Variants in APOB observed in about 807,000 individuals in gnomAD.
The protein encoded by APOB is apolipoprotein B-100.
Under a neutral mutation model 314.1 loss-of-function variants are expected in APOB, and 153 were observed. The ratio of observed to expected loss-of-function variants is 0.49; its 90% CI spans 0.43 to 0.56. The LOEUF (loss-of-function observed/expected upper bound fraction) is 0.56, where lower values mean the gene tolerates loss of function less well. Ranked by LOEUF, APOB falls within the 20% of genes least tolerant of loss-of-function variation. The pLI is 0.00. For missense variants in APOB, 5,430 were observed against 5,350.7 expected, an observed-to-expected ratio of 1.01 and a Z score of -0.46; for synonymous variants, 2,087 against 2,036.4, an observed-to-expected ratio of 1.02 and a Z score of -0.67.
Position 21,010,736 on chromosome 2 carries a change from A to G in APOB, c.6132T>C (p.Asp2044=), listed in dbSNP as rs1218434717. 4 of 1,614,016 alleles carry G rather than the reference A, an allele frequency of 2.5e-6. No individual in the cohort carries two copies. Among genetic ancestry groups the G allele is most frequent in the Non-Finnish European group, 3.4e-6 (4 of 1,179,906 alleles). Residue 2044 remains aspartate, a synonymous_variant, in exon 26 of 29, where the codon GAT becomes GAC. Transcript: ENST00000233242. ...TAAATTCTTGGGGCTTCTCAACGGCATCTCTCATCTCTAAAGCATCAATGA... is the reference window on the plus strand; with the variant it reads ...TAAATTCTTGGGGCTTCTCAACGGCGTCTCTCATCTCTAAAGCATCAATGA... The part of the protein sequence containing the change: ...INIIDALEMR[D]AVEKPQEFTI...
chr2:21,043,658 C>T (rs1664191012), intron 1 of APOB, 107 bp from the exon 2 acceptor site: 1 of 1,521,462 alleles, frequency 6.6e-7, no homozygotes, highest in African/African-American at 1.4e-5. Flanking sequence ...AGGAGGGAGG[C>T]AGGCTCCGGA....
chr2:21,040,982 C>G lies in APOB; in HGVS notation c.339G>C (p.Leu113=), dbSNP rs1367232226. The stretch of plus-strand genomic sequence containing the variant: ...ACTCCTCAGAGTTCTTGGTTTTCTT[C>G]AGCAAGGCTTTGCCCTCAGGGTTGA... ...YGFNPEGKAL[L]KKTKNSEEFA... Residue 113 remains leucine (L), a synonymous_variant, in exon 4 of 29, where the codon CTG becomes CTC. Coordinates refer to ENST00000233242, the MANE Select transcript of APOB (RefSeq NM_000384.3). The G allele has an allele frequency of 3.3e-5, 54 of 1,613,906 alleles. No individual in the cohort carries two copies. The highest frequency in any genetic ancestry group is 4.5e-5 in the Non-Finnish European group (53 of 1,180,026).
chr2:21,029,455 AGAAG>A (rs1020950739), intron 12 of APOB, among the ~76,000 whole-genome samples, 180 bp downstream of exon 12: 3 of 151,116 alleles, frequency 2.0e-5, no homozygotes, highest in African/African-American at 4.9e-5. Flanking sequence ...CCATCTCGAA[AGAAG>A]GAAGGAAGGA....
rs757039014 is a variant in APOB, at chr2:21,019,806, G to A, written c.2916C>T (p.Gly972=). ...SWSVCKQVFP[G]LNYCTSGAYS... ...AAGCGCCTGAGGTGCAGTAATTCAG[G>A]CCAGGAAAGACTTGCTTGCAAACTG... The change falls in exon 19 of 29, where the codon GGC becomes GGT. Residue 972 remains glycine (G), a synonymous_variant. Transcript: ENST00000233242. The A allele has an allele frequency of 2.5e-6, 4 of 1,614,000 alleles. No homozygotes were observed. The African/African-American group carries it at 5.3e-5, about 22-fold the overall frequency.
Position 21,006,870 on chromosome 2 carries a change from G to A in APOB, c.9998C>T (p.Ala3333Val). Residue 3333 changes from alanine to valine, a missense_variant, in exon 26 of 29, where the codon GCC (alanine) becomes GTC (valine). Around this residue, in one of 3 missense-constraint regions of APOB, gnomAD observed 3,281 missense variants for 3,171.0 expected, o/e 1.03. Transcript: ENST00000233242. ...LCTISHIFIP[A>V]MGNITYDFSF... Reference sequence around the variant, plus strand: ...GAAATCATAGGTAATATTGCCCATGGCAGGAATAAAAATATGGCTTATGGT... The same window carrying A: ...GAAATCATAGGTAATATTGCCCATGACAGGAATAAAAATATGGCTTATGGT... 1 of 1,614,076 alleles carries A rather than the reference G, an allele frequency of 6.2e-7. No individual in the cohort carries two copies. The highest frequency in any genetic ancestry group is 1.3e-5 in the African/African-American group (1 of 75,034).
rs761810275 is a variant in APOB, at chr2:21,016,536, C to T, written c.3235G>A (p.Val1079Ile). The T allele has an allele frequency of 6.2e-7, 1 of 1,603,828 alleles. No individual in the cohort carries two copies. The highest frequency in any genetic ancestry group is 2.2e-5 in the East Asian group (1 of 44,822). The change falls in exon 21 of 29, where the codon GTT becomes ATT. Residue 1079 changes from valine to isoleucine, a missense_variant. Around this residue, in one of 3 missense-constraint regions of APOB, gnomAD observed 2,085 missense variants for 2,079.7 expected, o/e 1.00. Coordinates refer to ENST00000233242, the MANE Select transcript of APOB (RefSeq NM_000384.3). ...FDVDLGTILR[V>I]NDESTEGKTS... Reference sequence around the variant, plus strand: ...TTGCCCTCAGTAGATTCATCATTAACTCTGAGGATTGTTCCGAGGTCAACA... The same window carrying T: ...TTGCCCTCAGTAGATTCATCATTAATTCTGAGGATTGTTCCGAGGTCAACA...
intron 28 of APOB, among the ~76,000 whole-genome samples, chr2:21,003,920 T>C (rs1272150108): frequency 6.6e-6 from 1 of 152,156 alleles, no homozygotes; most frequent in Non-Finnish European, 1.5e-5. Context: ...GGGAAGAATT[T>C]TAAAGTTTTA....
intron 20 of APOB, 81 bp from the exon 21 acceptor site, chr2:21,016,730 A>G (rs756212049): frequency 1.1e-6 from 1 of 903,220 alleles, no homozygotes; most frequent in South Asian, 1.3e-5. Context: ...CACACCTGTA[A>G]TCCCAGCACT....
At position 21,041,024 on chromosome 2, in the gene APOB, C is replaced by G. The variant is rs1156658105; in HGVS notation, c.297G>C (p.Leu99=). The change falls in exon 4 of 29, where the codon CTG becomes CTC. Residue 99 remains leucine, a synonymous_variant. Coordinates refer to ENST00000233242, the MANE Select transcript of APOB (RefSeq NM_000384.3). ...SFILKTSQCT[L]KEVYGFNPEG... ...CAGGGTTGAAGCCATACACCTCTTTCAGGGTGCACTGGCTGGTCTTCAGGA... is the reference window on the plus strand; with the variant it reads ...CAGGGTTGAAGCCATACACCTCTTTGAGGGTGCACTGGCTGGTCTTCAGGA... 1 of 1,613,594 alleles carries G rather than the reference C, an allele frequency of 6.2e-7. No homozygotes were observed. Among genetic ancestry groups the G allele is most frequent in the East Asian group, 2.2e-5 (1 of 44,872 alleles).
In APOB at chr2:21,019,083, C is replaced by A; in HGVS notation, c.3030G>T (p.Glu1010Asp). Reference protein sequence around the residue: ...RLELELRPTGEIEQYSVSATY... With the variant: ...RLELELRPTGDIEQYSVSATY... ...TTGCGCTGACAGAATACTGCTCAATCTCTCCTGTAGGCCTCAGTTCCAGCT... is the reference window on the plus strand; with the variant it reads ...TTGCGCTGACAGAATACTGCTCAATATCTCCTGTAGGCCTCAGTTCCAGCT... The change falls in exon 20 of 29, where the codon GAG (glutamate) becomes GAT (aspartate). Residue 1010 changes from glutamate to aspartate, a missense_variant. Physicochemically the swap from Glu to Asp is conservative, Grantham distance 45. Transcript: ENST00000233242. 1 of 1,614,042 alleles carries A rather than the reference C, an allele frequency of 6.2e-7. No homozygotes were observed. The highest frequency in any genetic ancestry group is 8.5e-7 in the Non-Finnish European group (1 of 1,179,992).
At chr2:21,018,599 C>G (rs1048186077) in intron 20 of APOB, among the ~76,000 whole-genome samples, 1 of 152,166 alleles carries the variant, frequency 6.6e-6, no homozygotes, top group African/African-American at 2.4e-5. Context: ...TCCTTATGCT[C>G]ACTTTACCAG....
At chr2:21,016,706 C>A (rs536009122) in intron 20 of APOB, 57 bp from the exon 21 acceptor site, 17 of 1,216,624 alleles carry the variant, frequency 1.4e-5, no homozygotes, top group Non-Finnish European at 2.1e-5. Flanking sequence ...TGTTTTGGGC[C>A]GGGTGCGGTG....
rs775309715 is a variant in APOB, at chr2:21,009,227, G to A, written c.7641C>T (p.Val2547=). ...GAGTCCACCAATCAGAAATGTAGGTGACAAGTGTGCTATAAACCTGGCCTA... is the reference window on the plus strand; with the variant it reads ...GAGTCCACCAATCAGAAATGTAGGTAACAAGTGTGCTATAAACCTGGCCTA... ...SLVGQVYSTL[V]TYISDWWTLA... Residue 2547 remains valine, a synonymous_variant, in exon 26 of 29, where the codon GTC becomes GTT. Coordinates refer to ENST00000233242, the MANE Select transcript of APOB (RefSeq NM_000384.3). 4 of 1,613,946 alleles carry A rather than the reference G, an allele frequency of 2.5e-6. No individual in the cohort carries two copies. In the East Asian group the frequency reaches 8.9e-5, roughly 36 times the overall value.
chr2:21,043,414 C>T, intron 2 of APOB, 99 bp downstream of exon 2: 2 of 1,384,920 alleles, frequency 1.4e-6, no homozygotes, highest in East Asian at 2.5e-5. Context: ...CACCACGATG[C>T]CATCTCAGCC....
Position 21,005,213 on chromosome 2 carries a change from T to A in APOB, c.11655A>T (p.Ala3885=). Residue 3885 remains alanine, a synonymous_variant, in exon 26 of 29, where the codon GCA becomes GCT. Coordinates refer to ENST00000233242, the MANE Select transcript of APOB (RefSeq NM_000384.3). The part of the protein sequence containing the change: ...IVIPSFQALT[A]RFEVDSPVYN... ...ACACGGGAGAGTCTACCTCAAAGCG[T>A]GCAGTCAGTGCTTGAAAGGAAGGAA... 1 of 1,614,044 alleles carries A rather than the reference T, an allele frequency of 6.2e-7. No individual in the cohort carries two copies. The highest frequency in any genetic ancestry group is 1.1e-5 in the South Asian group (1 of 91,082).
Position 21,003,111 on chromosome 2 carries a change from A to T in APOB, c.12311T>A (p.Leu4104Gln). The T allele has an allele frequency of 6.3e-7, 1 of 1,599,118 alleles. No individual in the cohort carries two copies. Among genetic ancestry groups the T allele is most frequent in the Non-Finnish European group, 8.5e-7 (1 of 1,171,448 alleles). ...GLTLREVSSKLRRNLQNNAEW... is the reference protein window; with the variant it reads ...GLTLREVSSKQRRNLQNNAEW... The stretch of plus-strand genomic sequence containing the variant: ...AGCATTGTTCTGCAGATTTCTTCTC[A>T]GCTTTGAAGACACTTCTCTCAGGGT... Residue 4104 changes from leucine to glutamine, a missense_variant, in exon 29 of 29, where the codon CTG (leucine) becomes CAG (glutamine). By Grantham distance (113) the Leu-to-Gln change is moderately radical. Around this residue, in one of 3 missense-constraint regions of APOB, gnomAD observed 3,281 missense variants for 3,171.0 expected, o/e 1.03. Coordinates refer to ENST00000233242, the MANE Select transcript of APOB (RefSeq NM_000384.3).
In APOB at chr2:21,006,897, C is replaced by T; in HGVS notation, c.9971G>A (p.Cys3324Tyr). 1.2e-6 allele frequency: 2 copies of T among 1,613,990 alleles called. No homozygotes were observed. The highest frequency in any genetic ancestry group is 1.3e-5 in the African/African-American group (1 of 75,012). ...KLSLPDFKEL[C>Y]TISHIFIPAM... ...AGGAATAAAAATATGGCTTATGGTA[C>T]ACAATTCCTTGAAATCTGGAAGAGA... Residue 3324 changes from cysteine to tyrosine, a missense_variant, in exon 26 of 29, where the codon TGT becomes TAT. By Grantham distance (194) the Cys-to-Tyr change is radical. Coordinates refer to ENST00000233242, the MANE Select transcript of APOB (RefSeq NM_000384.3).
At position 21,014,446 on chromosome 2, in the gene APOB, A is replaced by G. The variant is rs2103361861; in HGVS notation, c.3842+2T>C. On this transcript the variant is annotated splice_donor_variant, in intron 24 of 28. Transcript: ENST00000233242. LOFTEE classifies it high-confidence loss of function. ...AGAAGCCTTGCTGCTTTCTTCTTTT[A>G]CCTTTTTAAGAAGAGGTTTTCTGGG... The G allele has an allele frequency of 6.2e-7, 1 of 1,614,054 alleles. No homozygotes were observed. The highest frequency in any genetic ancestry group is 8.5e-7 in the Non-Finnish European group (1 of 1,179,984).
intron 9 of APOB, 120 bp downstream of exon 9, chr2:21,033,179 C>A: frequency 1.3e-6 from 1 of 770,892 alleles, no homozygotes; most frequent in Non-Finnish European, 2.2e-6. Flanking sequence ...AACTGATTGA[C>A]TAATTGATTA....
Sources: gnomAD v4.1 joint callset for allele counts (sites outside exome capture counted in the v4.1 genomes callset) on GRCh38, gnomAD v4.1.1 for gene constraint, gnomAD v4.1.1 regional missense constraint, MANE v1.5 for transcripts, NCBI Gene and HGNC (gene_info 2026-07-23, HGNC 2026-07-21) for gene names.